Variants in MARCHF6 observed in about 807,000 individuals in gnomAD.
MARCHF6 encodes the protein E3 ubiquitin-protein ligase MARCHF6.
A neutral mutation model predicts 133.7 loss-of-function variants in MARCHF6; 31 were observed. The observed-to-expected ratio is 0.23, with a 90% CI of 0.17 to 0.31. The LOEUF (loss-of-function observed/expected upper bound fraction) is 0.31, where lower values mean the gene tolerates loss of function less well. Among genes scored for constraint, MARCHF6 ranks in the 10% least tolerant of loss-of-function variants. The pLI, the probability that MARCHF6 is intolerant of heterozygous loss-of-function variation, is 1.00. For synonymous variants in MARCHF6, 395 were observed against 402.5 expected, an observed-to-expected ratio of 0.98 and a Z score of 0.22; for missense variants, 723 against 1,121.6, an observed-to-expected ratio of 0.64 and a Z score of 5.08.
At chr5:10,377,512 A>G (rs574019506) in intron 1 of MARCHF6, among the ~76,000 whole-genome samples, 11 of 152,352 alleles carry the variant, frequency 7.2e-5, no homozygotes, top group African/African-American at 2.6e-4. Context: ...TGGAGAGCGC[A>G]GTTTTGAATA....
intron 1 of MARCHF6, among the ~76,000 whole-genome samples, chr5:10,365,533 C>G (rs1736092713): frequency 6.6e-6 from 1 of 152,122 alleles, no homozygotes; most frequent in Admixed American, 6.5e-5. Context: ...CTGCCGACCT[C>G]AGGTGATCCG....
intron 1 of MARCHF6, among the ~76,000 whole-genome samples, chr5:10,370,419 T>TA (rs1736399901): frequency 6.6e-6 from 1 of 152,156 alleles, no homozygotes; most frequent in Non-Finnish European, 1.5e-5. Flanking sequence ...TGATTTTTAT[T>TA]AAAAAATTTG....
intron 16 of MARCHF6, among the ~76,000 whole-genome samples, chr5:10,406,004 A>G (rs1738865401): frequency 6.6e-6 from 1 of 152,164 alleles, no homozygotes; most frequent in Admixed American, 6.5e-5. Context: ...GCAGCGGTCA[A>G]GCAAGCATTA....
chr5:10,353,768 C>G lies in MARCHF6; in HGVS notation c.-131C>G. 1.3e-6 allele frequency: 1 copy of G among 742,860 alleles called. No homozygotes were observed. Among genetic ancestry groups the G allele is most frequent in the African/African-American group, 1.8e-5 (1 of 54,704 alleles). 46.0% of individuals were successfully genotyped at this position (742,860 alleles called of 1,614,324 possible). ...TCCCTCTCCCTCTCCCCTCTCCTTC[C>G]TCTCGCTTCCTCTCTCGCACCTGAG... On this transcript the variant is annotated 5_prime_UTR_variant, in exon 1 of 26. Transcript: ENST00000274140.
chr5:10,415,410 A>G, intron 20 of MARCHF6, 78 bp from the exon 21 acceptor site: 9 of 1,309,584 alleles, frequency 6.9e-6, no homozygotes, highest in Non-Finnish European at 9.6e-6. Flanking sequence ...TAATGTGAAA[A>G]TACTAACATA....
chr5:10,396,471 A>G (rs1016940994), intron 9 of MARCHF6, among the ~76,000 whole-genome samples: 1 of 152,256 alleles, frequency 6.6e-6, no homozygotes, highest in Non-Finnish European at 1.5e-5. Flanking sequence ...GAAGAAATGT[A>G]GTAGTCATTC....
chr5:10,396,876 A>G (rs1251764681), intron 9 of MARCHF6, among the ~76,000 whole-genome samples: 1 of 152,230 alleles, frequency 6.6e-6, no homozygotes, highest in Non-Finnish European at 1.5e-5. Context: ...TCAAGAAGGC[A>G]GATTGGACGT....
At chr5:10,356,255 A>G (rs976168500) in intron 1 of MARCHF6, among the ~76,000 whole-genome samples, 2 of 151,864 alleles carry the variant, frequency 1.3e-5, no homozygotes, top group African/African-American at 4.8e-5. Context: ...GGAGATATTC[A>G]AAGTATGGCC....
intron 22 of MARCHF6, among the ~76,000 whole-genome samples, chr5:10,422,560 G>A (rs997680228): frequency 1.3e-5 from 2 of 152,076 alleles, no homozygotes; most frequent in South Asian, 2.1e-4. Flanking sequence ...GGGTAAAAGG[G>A]ACAAAAGCCA....
chr5:10,433,466 C>T, intron 25 of MARCHF6, 128 bp from the exon 26 acceptor site: 2 of 684,212 alleles, frequency 2.9e-6, no homozygotes, highest in Admixed American at 2.2e-5. Flanking sequence ...CAGGTGTTCA[C>T]TCGGGACTCC....
At chr5:10,412,644 C>T (rs902591194) in intron 19 of MARCHF6, among the ~76,000 whole-genome samples, 1 of 152,184 alleles carries the variant, frequency 6.6e-6, no homozygotes, top group Admixed American at 6.5e-5. Flanking sequence ...GCGATCATGG[C>T]TCACTGTAGC....
intron 18 of MARCHF6, among the ~76,000 whole-genome samples, chr5:10,411,047 A>C (rs934710118): frequency 1.3e-5 from 2 of 152,094 alleles, no homozygotes; most frequent in African/African-American, 4.8e-5. Context: ...AGTATCTTGT[A>C]CATTGTACTT....
At chr5:10,394,904 A>G (rs1738091266) in intron 9 of MARCHF6, 119 bp downstream of exon 9, 2 of 595,938 alleles carry the variant, frequency 3.4e-6, no homozygotes, top group Non-Finnish European at 5.8e-6. Flanking sequence ...GGTTCATGCC[A>G]TTCTCCTGCC....
chr5:10,397,509 G>C (rs3852167), intron 10 of MARCHF6, among the ~76,000 whole-genome samples, 165 bp downstream of exon 10: 82,052 of 151,748 alleles, frequency 0.54, 23,637 homozygotes, highest in Non-Finnish European at 0.65. Flanking sequence ...GCCCCAGACA[G>C]ACAGATACTT....
chr5:10,372,213 A>G (rs1261963832), intron 1 of MARCHF6, among the ~76,000 whole-genome samples: 4 of 151,980 alleles, frequency 2.6e-5, no homozygotes, highest in Non-Finnish European at 4.4e-5. Flanking sequence ...CATTTTCCTT[A>G]TATTTGTTTT....
chr5:10,393,598 G>A (rs1018152895), intron 7 of MARCHF6, among the ~76,000 whole-genome samples: 5 of 152,018 alleles, frequency 3.3e-5, no homozygotes, highest in South Asian at 2.1e-4. Context: ...TTCTCCTTCC[G>A]TTCTTGCTCC....
chr5:10,379,593 TGGGACTACAG>T (rs1737005212), intron 3 of MARCHF6, among the ~76,000 whole-genome samples: 1 of 152,098 alleles, frequency 6.6e-6, no homozygotes, highest in Non-Finnish European at 1.5e-5. Flanking sequence ...CCCGAGTAGC[TGGGACTACAG>T]GTGCCCACCA....
At position 10,405,602 on chromosome 5, in the gene MARCHF6, T is replaced by C; in HGVS notation, c.1377T>C (p.Asp459=). 6.2e-7 allele frequency: 1 copy of C among 1,610,524 alleles called. No homozygotes were observed. The highest frequency in any genetic ancestry group is 2.2e-5 in the East Asian group (1 of 44,784). Residue 459 remains aspartate (D), a synonymous_variant, in exon 16 of 26, where the codon GAT becomes GAC. Transcript: ENST00000274140. ...GVLWFLRNLN[D]PDFNPVQEMI... The stretch of plus-strand genomic sequence containing the variant: ...TGTGGTTTCTAAGGAATTTGAATGA[T>C]CCAGATTTCAATCCAGTACAGGAAA...
chr5:10,432,670 T>TG (rs1393497387), intron 25 of MARCHF6, among the ~76,000 whole-genome samples: 1 of 152,254 alleles, frequency 6.6e-6, no homozygotes, highest in African/African-American at 2.4e-5. Flanking sequence ...CAGTAACATC[T>TG]GCCTTGTTTC....
Sources: allele counts gnomAD v4.1 joint callset (sites outside exome capture counted in the v4.1 genomes callset), GRCh38; gene constraint gnomAD v4.1.1; transcripts MANE v1.5; gene names NCBI Gene and HGNC (gene_info 2026-07-23, HGNC 2026-07-21).